The following TRHR variants were observed in gnomAD, a reference collection of about 807,000 sequenced individuals.
TRHR encodes the protein thyrotropin-releasing hormone receptor.
Under a neutral mutation model 28.0 loss-of-function variants are expected in TRHR, and 14 were observed. The observed-to-expected ratio is 0.50, with a 90% confidence interval of 0.33 to 0.78. The LOEUF is 0.78. Among genes scored for constraint, TRHR ranks in the 30% least tolerant of loss-of-function variants. TRHR has a pLI of 0.02. For missense variants in TRHR, 438 were observed against 469.5 expected (o/e 0.93, Z 0.62); for synonymous variants, 176 against 171.9 (o/e 1.02, Z -0.18).
At position 109,093,578 on chromosome 8, in the gene TRHR, GT is replaced by G. The variant is rs945767961; in HGVS notation, c.789+5284del. Among the ~76,000 whole-genome samples the G allele has an allele frequency of 2.6e-5, 4 of 151,104 alleles. No individual in the cohort carries two copies. The East Asian group carries it at 7.8e-4, about 29-fold the overall frequency. ...GCACCACCATGGCCAGCTAATTTTT[GT>G]TTTTTTAGGAGAGACGGGGTTTCAC... is the stretch of plus-strand genomic sequence containing the variant. On this transcript the variant is annotated intron_variant, in intron 2 of 2. Transcript: ENST00000518632.
chr8:109,093,111 A>C (rs1306649557), intron 2 of TRHR, among the ~76,000 whole-genome samples: 5 of 152,130 alleles, frequency 3.3e-5, no homozygotes, highest in African/African-American at 1.2e-4. Flanking sequence ...TCTCATCAAT[A>C]AAACAGGAAA....
intron 2 of TRHR, among the ~76,000 whole-genome samples, chr8:109,100,329 A>G (rs2129898668): frequency 6.6e-6 from 1 of 152,318 alleles, no homozygotes; most frequent in Middle Eastern, 3.4e-3. Flanking sequence ...GGATTTCTTT[A>G]GGAATCAATT....
Position 109,119,518 on chromosome 8 carries a change from G to T in TRHR, c.*63G>T, listed in dbSNP as rs780924460. On this transcript the variant is annotated 3_prime_UTR_variant, in exon 3 of 3. Coordinates refer to ENST00000518632, the MANE Select transcript of TRHR (RefSeq NM_003301.7). ...AGAATCTGTGCAGTCATCAACAAAA[G>T]GGAGAACATGGCCAATAGTCATATG... 19 of 1,572,354 alleles carry T rather than the reference G, an allele frequency of 1.2e-5. No homozygotes were observed. The highest frequency in any genetic ancestry group is 1.6e-5 in the Non-Finnish European group (18 of 1,153,782).
chr8:109,116,311 C>A (rs900017295), intron 2 of TRHR, among the ~76,000 whole-genome samples: 10 of 152,078 alleles, frequency 6.6e-5, no homozygotes, highest in African/African-American at 2.4e-4. Flanking sequence ...ATGATGTTGG[C>A]CTCATAAAAT....
At chr8:109,106,167 T>C (rs970038825) in intron 2 of TRHR, among the ~76,000 whole-genome samples, 3 of 152,140 alleles carry the variant, frequency 2.0e-5, no homozygotes, top group Admixed American at 6.6e-5. Flanking sequence ...CTGTGTTATA[T>C]TGGAGCCTGC....
intron 2 of TRHR, among the ~76,000 whole-genome samples, chr8:109,108,178 T>G (rs1811779483): frequency 1.3e-5 from 2 of 152,152 alleles, no homozygotes; most frequent in Non-Finnish European, 2.9e-5. Flanking sequence ...TGTCCAAGAT[T>G]TTTAGAAGCA....
chr8:109,088,384 A>G (rs1250569651), intron 2 of TRHR, 83 bp downstream of exon 2: 1 of 1,464,604 alleles, frequency 6.8e-7, no homozygotes, highest in African/African-American at 1.4e-5. Context: ...TTCCCTGTTT[A>G]GCTGATGGCG....
At chr8:109,110,539 A>T (rs1811815181) in intron 2 of TRHR, among the ~76,000 whole-genome samples, 1 of 152,138 alleles carries the variant, frequency 6.6e-6, no homozygotes, top group African/African-American at 2.4e-5. Context: ...AGCCCAGAAA[A>T]CACTCCATAA....
chr8:109,110,882 G>A (rs751235966), intron 2 of TRHR, among the ~76,000 whole-genome samples: 1 of 152,158 alleles, frequency 6.6e-6, no homozygotes, highest in Non-Finnish European at 1.5e-5. Context: ...TCAGTTGGGT[G>A]CGGTGGCTCA....
chr8:109,119,050 C>T lies in TRHR; in HGVS notation c.792C>T (p.Val264=). Residue 264 remains valine (V), a splice_region_variant and synonymous_variant, in exon 3 of 3, where the codon GTC becomes GTT. Transcript: ENST00000518632. ...FNSTVSSRKQ[V]TKMLAVVVIL... ...CATTTCTCTCTATTTCTCCCTAGGT[C>T]ACCAAGATGCTGGCAGTGGTTGTAA... The T allele has an allele frequency of 6.2e-7, 1 of 1,612,594 alleles. No homozygotes were observed. Among genetic ancestry groups the T allele is most frequent in the Non-Finnish European group, 8.5e-7 (1 of 1,179,000 alleles).
At chr8:109,111,809 C>CA (rs1275635791) in intron 2 of TRHR, among the ~76,000 whole-genome samples, 3 of 151,690 alleles carry the variant, frequency 2.0e-5, no homozygotes, top group Non-Finnish European at 2.9e-5. Flanking sequence ...TGAATGAAGC[C>CA]AAAAAAGGGT....
intron 2 of TRHR, among the ~76,000 whole-genome samples, chr8:109,113,967 C>T (rs1811877557): frequency 6.6e-6 from 1 of 151,946 alleles, no homozygotes; most frequent in Admixed American, 6.6e-5. Context: ...TTAATTTTAG[C>T]AATAAGAAAT....
rs771483528 is a variant in TRHR, at chr8:109,119,409, T to TGCC, written c.1151_1152insGCC (p.Phe384delinsLeuPro). On this transcript the variant is annotated protein_altering_variant, in exon 3 of 3. Transcript: ENST00000518632. ...TACCTGTCTGCCACAAAAGTGTCTTTTGATGACACCTGCTTGGCTTCTGAG... is the reference window on the plus strand; with the variant it reads ...TACCTGTCTGCCACAAAAGTGTCTTTGCCTGATGACACCTGCTTGGCTTCTGAG... 38 of 1,612,332 alleles carry TGCC rather than the reference T, an allele frequency of 2.4e-5. No individual in the cohort carries two copies. The highest frequency in any genetic ancestry group is 3.0e-5 in the Non-Finnish European group (35 of 1,179,018).
At chr8:109,090,896 T>A (rs1811508614) in intron 2 of TRHR, among the ~76,000 whole-genome samples, 1 of 152,058 alleles carries the variant, frequency 6.6e-6, no homozygotes, top group Non-Finnish European at 1.5e-5. Flanking sequence ...GTGGGAGTGG[T>A]AAAAAGTAAG....
rs750023755 is a variant in TRHR at position 109,087,980 on chromosome 8, C to T, written c.468C>T (p.Tyr156=). 1.6e-5 allele frequency: 26 copies of T among 1,613,984 alleles called. No individual in the cohort carries two copies. Among genetic ancestry groups the T allele is most frequent in the Non-Finnish European group, 2.0e-5 (24 of 1,180,048 alleles). Reference sequence around the variant, plus strand: ...TTGTCTGGGCTTTCACATCTCTTTACTGTATGCTCTGGTTCTTCTTGCTGG... The same window carrying T: ...TTGTCTGGGCTTTCACATCTCTTTATTGTATGCTCTGGTTCTTCTTGCTGG... The part of the protein sequence containing the change: ...IIFVWAFTSL[Y]CMLWFFLLDL... Residue 156 remains tyrosine, a synonymous_variant, in exon 2 of 3, where the codon TAC becomes TAT. Transcript: ENST00000518632.
At chr8:109,101,196 C>A (rs146062665) in intron 2 of TRHR, among the ~76,000 whole-genome samples, 4 of 152,082 alleles carry the variant, frequency 2.6e-5, no homozygotes, top group Non-Finnish European at 1.5e-5. Context: ...GGGCAAGATA[C>A]GAATCAATCT....
intron 2 of TRHR, among the ~76,000 whole-genome samples, chr8:109,091,343 G>A (rs897983862): frequency 6.6e-6 from 1 of 152,194 alleles, no homozygotes; most frequent in Admixed American, 6.5e-5. Context: ...CGATCAGTGG[G>A]AATGAGAACA....
intron 2 of TRHR, among the ~76,000 whole-genome samples, chr8:109,089,750 C>T (rs144301889): frequency 4.0e-4 from 61 of 152,202 alleles, no homozygotes; most frequent in African/African-American, 1.4e-3. Context: ...TCTTCCAAGA[C>T]AAACATTGAC....
intron 2 of TRHR, among the ~76,000 whole-genome samples, chr8:109,114,600 A>G (rs77912021): frequency 0.035 from 5,382 of 152,190 alleles, 155 homozygotes; most frequent in South Asian, 0.16. Flanking sequence ...ATGGTCTGCA[A>G]TTGGAATTTG....
Sources: allele counts gnomAD v4.1 joint callset (sites outside exome capture counted in the v4.1 genomes callset), GRCh38; gene constraint gnomAD v4.1.1; transcripts MANE v1.5; gene names NCBI Gene and HGNC (gene_info 2026-07-23, HGNC 2026-07-21).